Variants in RAB31 observed in about 807,000 individuals in gnomAD.
RAB31 encodes the protein ras-related protein Rab-31.
In RAB31, 21 loss-of-function variants were observed where a neutral mutation model predicts 25.6. The ratio of observed to expected loss-of-function variants is 0.82; its 90% CI spans 0.58 to 1.18. RAB31 has a LOEUF of 1.18. Among genes scored for constraint, RAB31 ranks in the 50% most tolerant of loss-of-function variants. The pLI, the probability that RAB31 is intolerant of heterozygous loss-of-function variation, is 0.00. For missense variants in RAB31, 196 were observed against 250.1 expected, an observed-to-expected ratio of 0.78 and a Z score of 1.46; for synonymous variants, 87 against 84.0, an observed-to-expected ratio of 1.04 and a Z score of -0.20.
intron 1 of RAB31, among the ~76,000 whole-genome samples, chr18:9,727,917 T>C (rs1184978626): frequency 6.6e-6 from 1 of 152,160 alleles, no homozygotes; most frequent in East Asian, 1.9e-4. Context: ...CATAGTTATC[T>C]TTTTTGTGGT....
rs546189003 is a variant in RAB31 at position 9,845,097 on chromosome 18, A to G, written c.381-485A>G. Among the ~76,000 whole-genome samples, 8 of 152,310 alleles carry G rather than the reference A, an allele frequency of 5.3e-5. No individual in the cohort carries two copies. The East Asian group carries it at 5.8e-4, about 11-fold the overall frequency. Reference sequence around the variant, plus strand: ...AGATATGCCATCCTGTATTGTAGCCATGGTCGGTATAACCATGCTCGTTTC... The same window carrying G: ...AGATATGCCATCCTGTATTGTAGCCGTGGTCGGTATAACCATGCTCGTTTC... On this transcript the variant is annotated intron_variant, in intron 5 of 6. Coordinates refer to ENST00000578921, the MANE Select transcript of RAB31 (RefSeq NM_006868.4).
intron 1 of RAB31, among the ~76,000 whole-genome samples, chr18:9,711,932 T>A (rs1013872668): frequency 6.6e-6 from 1 of 152,220 alleles, no homozygotes; most frequent in Non-Finnish European, 1.5e-5. Flanking sequence ...GTATAGGTTG[T>A]TTTAGGCATG....
intron 3 of RAB31, among the ~76,000 whole-genome samples, chr18:9,809,472 T>C (rs1342935900): frequency 6.6e-6 from 1 of 152,176 alleles, no homozygotes; most frequent in Non-Finnish European, 1.5e-5. Flanking sequence ...ATGCACTAAT[T>C]ATGCTTTGTA....
At chr18:9,717,295 C>G (rs2068049703) in intron 1 of RAB31, among the ~76,000 whole-genome samples, 1 of 152,122 alleles carries the variant, frequency 6.6e-6, no homozygotes, top group Non-Finnish European at 1.5e-5. Flanking sequence ...TTAGATGTCT[C>G]AGACCTGCTT....
At chr18:9,829,930 T>C (rs1341983728) in intron 5 of RAB31, among the ~76,000 whole-genome samples, 5 of 152,072 alleles carry the variant, frequency 3.3e-5, no homozygotes. Context: ...TTGTTATCTC[T>C]ATGTGTTGAA....
intron 1 of RAB31, among the ~76,000 whole-genome samples, chr18:9,749,580 AT>A (rs1405745573): frequency 6.6e-6 from 1 of 152,140 alleles, no homozygotes; most frequent in East Asian, 1.9e-4. Flanking sequence ...TACGTTTCAC[AT>A]TTCGGTCTCC....
intron 2 of RAB31, among the ~76,000 whole-genome samples, chr18:9,775,689 T>G (rs555422831): frequency 6.6e-6 from 1 of 152,296 alleles, no homozygotes; most frequent in South Asian, 2.1e-4. Flanking sequence ...TAGTTCTGCT[T>G]TAAGTTGCCT....
rs2068594774 is a variant in RAB31 at position 9,815,177 on chromosome 18, T to C, written c.335T>C (p.Ile112Thr). 3 of 1,557,684 alleles carry C rather than the reference T, an allele frequency of 1.9e-6. No homozygotes were observed. The highest frequency in any genetic ancestry group is 1.2e-5 in the South Asian group (1 of 84,384). ...CTGAAAGAACATGGTCCAGAAAACA[T>C]TGTAATGGCCATCGCTGGAAACAAG... The part of the protein sequence containing the change: ...KELKEHGPEN[I>T]VMAIAGNKCD... Residue 112 changes from isoleucine (I) to threonine (T), a missense_variant, in exon 5 of 7, where the codon ATT becomes ACT. Physicochemically the swap from Ile to Thr is moderately conservative, Grantham distance 89 (BLOSUM62 -1). Coordinates refer to ENST00000578921, the MANE Select transcript of RAB31 (RefSeq NM_006868.4).
chr18:9,832,469 G>A (rs554795622), intron 5 of RAB31, among the ~76,000 whole-genome samples: 161 of 152,326 alleles, frequency 1.1e-3, no homozygotes, highest in Admixed American at 2.2e-3. Flanking sequence ...AGCACAGACC[G>A]TCAGCAACCT....
intron 1 of RAB31, among the ~76,000 whole-genome samples, chr18:9,715,725 G>A (rs576033156): frequency 3.2e-4 from 48 of 151,982 alleles, no homozygotes; most frequent in African/African-American, 8.0e-4. Context: ...TAGAGATGGC[G>A]TTTCACCACG....
chr18:9,761,571 A>G (rs112432625), intron 1 of RAB31, among the ~76,000 whole-genome samples: 2 of 152,062 alleles, frequency 1.3e-5, no homozygotes, highest in African/African-American at 4.8e-5. Flanking sequence ...ACACTACAAC[A>G]GGTGTTAGCT....
intron 1 of RAB31, among the ~76,000 whole-genome samples, chr18:9,765,556 C>A (rs2145485996): frequency 6.6e-6 from 1 of 152,264 alleles, no homozygotes; most frequent in Admixed American, 6.5e-5. Context: ...AGACCTTTTT[C>A]TCTTCAGTGC....
intron 1 of RAB31, among the ~76,000 whole-genome samples, chr18:9,774,426 T>G (rs7232016): frequency 2.0e-5 from 3 of 152,114 alleles, no homozygotes; most frequent in African/African-American, 7.2e-5. Context: ...CAGCCCTCCA[T>G]TGCTTGATGT....
chr18:9,845,799 T>G, intron 6 of RAB31, 108 bp downstream of exon 6: 1 of 1,400,662 alleles, frequency 7.1e-7, no homozygotes. Flanking sequence ...TGTGTGAATT[T>G]ATCGGATGCC....
At chr18:9,742,894 T>G (rs1436338992) in intron 1 of RAB31, among the ~76,000 whole-genome samples, 1 of 152,196 alleles carries the variant, frequency 6.6e-6, no homozygotes, top group Non-Finnish European at 1.5e-5. Context: ...TTTTCCTTCT[T>G]CTTCTTTTTA....
intron 5 of RAB31, among the ~76,000 whole-genome samples, chr18:9,819,860 C>T (rs958182680): frequency 7.9e-5 from 12 of 151,652 alleles, no homozygotes; most frequent in African/African-American, 2.9e-4. Context: ...TATGGCATTG[C>T]TTGTTGTTAG....
At chr18:9,792,678 G>A (rs577661399) in intron 3 of RAB31, among the ~76,000 whole-genome samples, 1 of 152,280 alleles carries the variant, frequency 6.6e-6, no homozygotes, top group South Asian at 2.1e-4. Flanking sequence ...GTGCCTCTGA[G>A]TTCTCACTGG....
At chr18:9,851,871 T>A (rs148103079) in intron 6 of RAB31, among the ~76,000 whole-genome samples, 22 of 152,058 alleles carry the variant, frequency 1.4e-4, no homozygotes, top group Middle Eastern at 3.5e-3. Context: ...TATTTCATAA[T>A]CTATTTCAAT....
At chr18:9,840,798 T>C (rs1193335384) in intron 5 of RAB31, among the ~76,000 whole-genome samples, 2 of 152,228 alleles carry the variant, frequency 1.3e-5, no homozygotes, top group East Asian at 1.9e-4. Context: ...GACTACAAAT[T>C]TGGGGTCTCC....
Sources: gnomAD v4.1 joint callset for allele counts (sites outside exome capture counted in the v4.1 genomes callset) on GRCh38, gnomAD v4.1.1 for gene constraint, MANE v1.5 for transcripts, NCBI Gene and HGNC (gene_info 2026-07-23, HGNC 2026-07-21) for gene names.